SPATA17: variants seen among roughly 807,000 people sequenced by gnomAD.
SPATA17 encodes the protein spermatogenesis associated 17.
SPATA17 carries 53 observed loss-of-function variants against 62.2 expected under a neutral mutation model. That is an observed-to-expected ratio of 0.85 (90% CI 0.68 to 1.07). SPATA17 has a LOEUF of 1.07. Ranked by LOEUF, SPATA17 falls within the 50% of genes least tolerant of loss-of-function variation. The pLI, the probability that SPATA17 is intolerant of heterozygous loss-of-function variation, is 0.00. For synonymous variants in SPATA17, 146 were observed against 146.8 expected, an observed-to-expected ratio of 0.99 and a Z score of 0.04; for missense variants, 466 against 425.5, an observed-to-expected ratio of 1.10 and a Z score of -0.84.
At chr1:217,844,148 A>G (rs1675471260) in intron 9 of SPATA17, among the ~76,000 whole-genome samples, 1 of 152,168 alleles carries the variant, frequency 6.6e-6, no homozygotes, top group Admixed American at 6.6e-5. Flanking sequence ...CAGCAAAAGC[A>G]ATAGCCTCAA....
intron 4 of SPATA17, among the ~76,000 whole-genome samples, chr1:217,680,899 TG>T (rs1483884575): frequency 1.6e-4 from 19 of 115,666 alleles, no homozygotes; most frequent in South Asian, 1.1e-3. Context: ...CACTCCAGAC[TG>T]GGTGACAGAG....
chr1:217,844,081 G>A (rs901686437), intron 9 of SPATA17, among the ~76,000 whole-genome samples: 1 of 152,132 alleles, frequency 6.6e-6, no homozygotes, highest in Non-Finnish European at 1.5e-5. Flanking sequence ...GTCTGACGCA[G>A]TTTCGTAGAT....
chr1:217,786,369 G>C (rs774682787), intron 8 of SPATA17, among the ~76,000 whole-genome samples: 6 of 152,126 alleles, frequency 3.9e-5, no homozygotes, highest in Non-Finnish European at 7.4e-5. Flanking sequence ...TCCTGCAAAA[G>C]ATGATTGAGA....
At chr1:217,737,240 G>A (rs1571769053) in intron 5 of SPATA17, among the ~76,000 whole-genome samples, 2 of 152,106 alleles carry the variant, frequency 1.3e-5, no homozygotes, top group East Asian at 1.9e-4. Flanking sequence ...CTGCCCCACA[G>A]GACTATGAAA....
chr1:217,757,780 G>A (rs1673083680), intron 6 of SPATA17, among the ~76,000 whole-genome samples: 1 of 152,158 alleles, frequency 6.6e-6, no homozygotes, highest in Admixed American at 6.5e-5. Context: ...AGGTGAAAGA[G>A]GATGCAGTGA....
intron 4 of SPATA17, among the ~76,000 whole-genome samples, chr1:217,676,959 C>G (rs112872563): frequency 7.2e-5 from 11 of 152,244 alleles, no homozygotes; most frequent in African/African-American, 2.6e-4. Context: ...ATTTATCAAT[C>G]ACCTATACTC....
chr1:217,676,478 G>A (rs1446191027), intron 4 of SPATA17, among the ~76,000 whole-genome samples: 2 of 152,062 alleles, frequency 1.3e-5, no homozygotes, highest in East Asian at 3.9e-4. Flanking sequence ...TAAAACATTA[G>A]GAACAATCAC....
At chr1:217,779,368 CTCT>C (rs1276292144) in intron 7 of SPATA17, among the ~76,000 whole-genome samples, 12 of 151,792 alleles carry the variant, frequency 7.9e-5, no homozygotes, top group South Asian at 2.1e-4. Flanking sequence ...TCTTCGTTCT[CTCT>C]TTTTTATTCT....
At chr1:217,788,711 T>C (rs1487949004) in intron 8 of SPATA17, among the ~76,000 whole-genome samples, 1 of 152,142 alleles carries the variant, frequency 6.6e-6, no homozygotes, top group East Asian at 1.9e-4. Context: ...GGAAATTGAT[T>C]CTCTTCTAGA....
At chr1:217,841,652 G>A (rs1462851920) in intron 9 of SPATA17, among the ~76,000 whole-genome samples, 5 of 151,806 alleles carry the variant, frequency 3.3e-5, no homozygotes, top group Non-Finnish European at 7.4e-5. Context: ...TCCAAGCACG[G>A]TGGCTCATGC....
At chr1:217,813,888 T>C (rs1674654641) in intron 9 of SPATA17, among the ~76,000 whole-genome samples, 1 of 152,018 alleles carries the variant, frequency 6.6e-6, no homozygotes, top group Non-Finnish European at 1.5e-5. Context: ...AAATACTGTA[T>C]TGTATTACTT....
chr1:217,635,898 G>T (rs553046022), intron 1 of SPATA17, among the ~76,000 whole-genome samples: 1 of 152,014 alleles, frequency 6.6e-6, no homozygotes, highest in South Asian at 2.1e-4. Context: ...ACTTCGGGAG[G>T]CCAAGGCGAG....
intron 5 of SPATA17, among the ~76,000 whole-genome samples, chr1:217,690,043 C>T (rs1004612305): frequency 6.6e-6 from 1 of 151,966 alleles, no homozygotes; most frequent in African/African-American, 2.4e-5. Flanking sequence ...GCTGGGCTGA[C>T]AGGTGTGCGC....
chr1:217,852,543 A>C (rs1675690344), intron 9 of SPATA17, among the ~76,000 whole-genome samples: 1 of 152,192 alleles, frequency 6.6e-6, no homozygotes, highest in Admixed American at 6.5e-5. Context: ...CTCTTTCCAC[A>C]TGCAAAGCTA....
At chr1:217,674,025 A>G (rs1291141084) in intron 4 of SPATA17, among the ~76,000 whole-genome samples, 1 of 152,074 alleles carries the variant, frequency 6.6e-6, no homozygotes, top group Non-Finnish European at 1.5e-5. Context: ...CAATTCTTAT[A>G]TTTGCAGGGG....
rs547920214 is a variant in SPATA17, at chr1:217,639,463, A to T, written c.68+8017A>T. Among the ~76,000 whole-genome samples, 45 of 152,272 alleles carry T rather than the reference A, an allele frequency of 3.0e-4. 1 individual carries two copies. The highest frequency in any genetic ancestry group is 9.1e-4 in the African/African-American group (38 of 41,578). On this transcript the variant is annotated intron_variant, in intron 1 of 10. Coordinates refer to ENST00000366933, the MANE Select transcript of SPATA17 (RefSeq NM_138796.4). Reference sequence around the variant, plus strand: ...CTTGCCGTAATCAAGTAAAAATTAAATTGGAACAAAGATCTCAAGATAGAG... The same window carrying T: ...CTTGCCGTAATCAAGTAAAAATTAATTTGGAACAAAGATCTCAAGATAGAG...
chr1:217,722,803 T>A (rs1446276494), intron 5 of SPATA17, among the ~76,000 whole-genome samples: 3 of 152,082 alleles, frequency 2.0e-5, no homozygotes, highest in African/African-American at 4.8e-5. Flanking sequence ...CCCCACTATC[T>A]CCATTGATCT....
intron 6 of SPATA17, among the ~76,000 whole-genome samples, chr1:217,756,175 C>T (rs1231342999): frequency 6.6e-6 from 1 of 151,920 alleles, no homozygotes; most frequent in African/African-American, 2.4e-5. Flanking sequence ...ATTTTAGATA[C>T]AAAACAAGAC....
chr1:217,634,018 G>A (rs1669882767), intron 1 of SPATA17, among the ~76,000 whole-genome samples: 1 of 152,158 alleles, frequency 6.6e-6, no homozygotes, highest in Admixed American at 6.5e-5. Flanking sequence ...AGGAGTGTGG[G>A]TTGCCCGACT....
Sources: gnomAD v4.1 joint callset for allele counts (sites outside exome capture counted in the v4.1 genomes callset) on GRCh38, gnomAD v4.1.1 for gene constraint, MANE v1.5 for transcripts, NCBI Gene and HGNC (gene_info 2026-07-23, HGNC 2026-07-21) for gene names.